RBFOX1: variants seen among roughly 807,000 people sequenced by gnomAD.
RBFOX1 encodes RNA binding protein fox-1 homolog 1.
In RBFOX1, 8 loss-of-function variants were observed where a neutral mutation model predicts 57.7. The ratio of observed to expected loss-of-function variants is 0.14; its 90% CI spans 0.08 to 0.25. The LOEUF is 0.25. Ranked by LOEUF, RBFOX1 falls within the 10% of genes least tolerant of loss-of-function variation. RBFOX1 has a pLI of 1.00. For synonymous variants in RBFOX1, 326 were observed against 222.4 expected (o/e 1.47, Z -4.15); for missense variants, 611 against 548.5 (o/e 1.11, Z -1.14).
At chr16:5,363,084 A>G (rs1596666287) in intron 1 of RBFOX1, among the ~76,000 whole-genome samples, 1 of 126,448 alleles carries the variant, frequency 7.9e-6, no homozygotes, top group African/African-American at 3.2e-5. Flanking sequence ...CCTAGGCTGG[A>G]GCGCAGTGGT....
chr16:7,563,451 G>GTT (rs2090912475), intron 5 of RBFOX1, among the ~76,000 whole-genome samples: 1 of 152,122 alleles, frequency 6.6e-6, no homozygotes. Context: ...TATTGCTATT[G>GTT]TTATATATAT....
At chr16:7,132,312 A>T (rs1028139743) in intron 4 of RBFOX1, among the ~76,000 whole-genome samples, 1 of 151,870 alleles carries the variant, frequency 6.6e-6, no homozygotes, top group Non-Finnish European at 1.5e-5. Flanking sequence ...AATGTTCTTT[A>T]TCTGTATATA....
chr16:5,595,895 A>C (rs2085126947), intron 2 of RBFOX1, among the ~76,000 whole-genome samples: 1 of 152,178 alleles, frequency 6.6e-6, no homozygotes, highest in Admixed American at 6.5e-5. Flanking sequence ...GTCTAGTTCC[A>C]GGGTATGGAG....
At chr16:5,288,951 C>T (rs1227908469) in intron 1 of RBFOX1, among the ~76,000 whole-genome samples, 1 of 151,906 alleles carries the variant, frequency 6.6e-6, no homozygotes, top group African/African-American at 2.4e-5. Flanking sequence ...ATGGTGAAAC[C>T]CTGTCTATAC....
chr16:5,306,715 A>G (rs1299761260), intron 1 of RBFOX1, among the ~76,000 whole-genome samples: 2 of 152,188 alleles, frequency 1.3e-5, no homozygotes, highest in Non-Finnish European at 2.9e-5. Flanking sequence ...GAGCACGCCC[A>G]TGCTGCCCTG....
At chr16:7,144,242 T>C (rs1242315869) in intron 4 of RBFOX1, among the ~76,000 whole-genome samples, 1 of 152,076 alleles carries the variant, frequency 6.6e-6, no homozygotes, top group Non-Finnish European at 1.5e-5. Context: ...CTTGGAATTA[T>C]TTGAGTGTTT....
intron 2 of RBFOX1, among the ~76,000 whole-genome samples, chr16:6,380,374 G>T (rs543391683): frequency 7.4e-6 from 1 of 135,268 alleles, no homozygotes; most frequent in African/African-American, 2.8e-5. Context: ...ATAATGATGC[G>T]TCTGTGAGTG....
intron 14 of RBFOX1, among the ~76,000 whole-genome samples, chr16:7,700,253 TTAA>T (rs1417607974): frequency 3.9e-5 from 6 of 152,180 alleles, no homozygotes; most frequent in Admixed American, 1.3e-4. Context: ...CCTCTCAGTC[TTAA>T]TAACTGTCAC....
chr16:5,340,561 G>A (rs935844847), intron 1 of RBFOX1, among the ~76,000 whole-genome samples: 4 of 152,174 alleles, frequency 2.6e-5, no homozygotes, highest in African/African-American at 4.8e-5. Flanking sequence ...CATTCATGGA[G>A]CATTTAGTTT....
intron 4 of RBFOX1, among the ~76,000 whole-genome samples, chr16:7,275,307 A>G (rs765028811): frequency 6.6e-6 from 1 of 152,234 alleles, no homozygotes; most frequent in Non-Finnish European, 1.5e-5. Flanking sequence ...TCTAATCGTT[A>G]TATAATATTC....
At chr16:6,509,886 G>C (rs985657569) in intron 2 of RBFOX1, among the ~76,000 whole-genome samples, 1 of 152,182 alleles carries the variant, frequency 6.6e-6, no homozygotes, top group African/African-American at 2.4e-5. Context: ...AGTCAGATTT[G>C]AGGAGATGTA....
chr16:5,676,735 G>A (rs1251159735), intron 3 of RBFOX1, among the ~76,000 whole-genome samples: 1 of 152,114 alleles, frequency 6.6e-6, no homozygotes, highest in Non-Finnish European at 1.5e-5. Flanking sequence ...GGCAGCACAT[G>A]CCTGCAATTC....
intron 3 of RBFOX1, among the ~76,000 whole-genome samples, chr16:7,030,357 G>A (rs752481719): frequency 6.6e-5 from 10 of 152,106 alleles, no homozygotes; most frequent in African/African-American, 9.7e-5. Flanking sequence ...ATAAGTTAAC[G>A]CCAACTGGAT....
chr16:6,558,449 C>G (rs914882492), intron 2 of RBFOX1, among the ~76,000 whole-genome samples: 3 of 152,028 alleles, frequency 2.0e-5, no homozygotes, highest in Non-Finnish European at 4.4e-5. Context: ...GATTTCCTGA[C>G]AGGAAATGGG....
At chr16:5,897,004 T>A in intron 4 of RBFOX1, among the ~76,000 whole-genome samples, 1 of 141,336 alleles carries the variant, frequency 7.1e-6, no homozygotes. Flanking sequence ...CCACTAAAAA[T>A]GTATCCATCC....
At chr16:6,401,166 A>G (rs1168730044) in intron 2 of RBFOX1, among the ~76,000 whole-genome samples, 1 of 152,132 alleles carries the variant, frequency 6.6e-6, no homozygotes, top group Non-Finnish European at 1.5e-5. Context: ...TCTTTTTGCC[A>G]GAAAGTCAGG....
intron 3 of RBFOX1, among the ~76,000 whole-genome samples, chr16:5,768,633 GCTCTTCTGTGCATTC>G (rs2053870710): frequency 6.6e-6 from 1 of 152,178 alleles, no homozygotes; most frequent in Non-Finnish European, 1.5e-5. Flanking sequence ...GCCAAAATCT[GCTCTTCTGTGCATTC>G]CTCTTGCATC....
At chr16:7,354,997 A>T (rs938687512) in intron 4 of RBFOX1, among the ~76,000 whole-genome samples, 3 of 152,220 alleles carry the variant, frequency 2.0e-5, no homozygotes, top group African/African-American at 2.4e-5. Context: ...ATAATAATAA[A>T]AATTAATAGT....
intron 4 of RBFOX1, among the ~76,000 whole-genome samples, chr16:7,482,795 A>G (rs928326999): frequency 2.0e-5 from 3 of 151,902 alleles, no homozygotes; most frequent in African/African-American, 7.3e-5. Flanking sequence ...CCTCTATGTA[A>G]ATGAGTCCTC....
Sources: allele counts gnomAD v4.1 joint callset (sites outside exome capture counted in the v4.1 genomes callset), GRCh38; gene constraint gnomAD v4.1.1; transcripts MANE v1.5; gene names NCBI Gene and HGNC (gene_info 2026-07-23, HGNC 2026-07-21).